Variants in ADAMTS9 observed in about 807,000 individuals in gnomAD.
ADAMTS9 encodes A disintegrin and metalloproteinase with thrombospondin motifs 9.
ADAMTS9 carries 107 observed loss-of-function variants against 257.1 expected under a neutral mutation model. The ratio of observed to expected loss-of-function variants is 0.42; its 90% CI spans 0.36 to 0.49. ADAMTS9 has a LOEUF of 0.49. Among genes scored for constraint, ADAMTS9 ranks in the 20% least tolerant of loss-of-function variants. The pLI is 0.03. For synonymous variants in ADAMTS9, 982 were observed against 880.9 expected (o/e 1.11, Z -2.03); for missense variants, 2,353 against 2,469.1 (o/e 0.95, Z 1.00).
chr3:64,539,926 C>T (rs931094836), intron 36 of ADAMTS9, among the ~76,000 whole-genome samples: 9 of 152,250 alleles, frequency 5.9e-5, no homozygotes, highest in Middle Eastern at 3.2e-3. Context: ...TACTGTAGCT[C>T]CTGAGATGAG....
intron 3 of ADAMTS9, among the ~76,000 whole-genome samples, chr3:64,671,371 G>A (rs773146967): frequency 7.2e-5 from 11 of 152,136 alleles, no homozygotes; most frequent in East Asian, 1.9e-4. Flanking sequence ...TGATTATCAC[G>A]ATGGTTCTAT....
chr3:64,555,994 G>A (rs1200409419), intron 30 of ADAMTS9, among the ~76,000 whole-genome samples: 4 of 152,182 alleles, frequency 2.6e-5, no homozygotes, highest in Non-Finnish European at 5.9e-5. Context: ...CTGGCTCTGT[G>A]CGCACATCAA....
At chr3:64,561,108 T>C (rs1167827830) in intron 30 of ADAMTS9, among the ~76,000 whole-genome samples, 2 of 151,450 alleles carry the variant, frequency 1.3e-5, no homozygotes, top group Non-Finnish European at 2.9e-5. Context: ...CACTAATTAA[T>C]CAAGGTTTCA....
chr3:64,649,625 T>C lies in ADAMTS9; in HGVS notation c.1605+12A>G, dbSNP rs1404685911. 5 of 1,610,288 alleles carry C rather than the reference T, an allele frequency of 3.1e-6. No homozygotes were observed. The South Asian group carries it at 5.5e-5, about 18-fold the overall frequency. On this transcript the variant is annotated intron_variant, in intron 10 of 39. Coordinates refer to ENST00000498707, the MANE Select transcript of ADAMTS9 (RefSeq NM_182920.2). Reference sequence around the variant, plus strand: ...CAGTAGATGAGGGCAGAAGTGGCCCTCCTACACTTACCATATATGGGCACA... The same window carrying C: ...CAGTAGATGAGGGCAGAAGTGGCCCCCCTACACTTACCATATATGGGCACA...
At chr3:64,518,881 G>A (rs966331284) in intron 39 of ADAMTS9, among the ~76,000 whole-genome samples, 5 of 146,154 alleles carry the variant, frequency 3.4e-5, no homozygotes, top group East Asian at 2.1e-4. Flanking sequence ...AGGTTAAAGC[G>A]ATTCTCCTGC....
At chr3:64,596,385 C>T (rs1356369422) in intron 27 of ADAMTS9, among the ~76,000 whole-genome samples, 1 of 152,168 alleles carries the variant, frequency 6.6e-6, no homozygotes, top group East Asian at 1.9e-4. Context: ...CATCATCTTT[C>T]ATAGGAATTA....
In ADAMTS9 at chr3:64,541,789, C is replaced by A. The variant is rs1036917; in HGVS notation, c.5197+49G>T. The A allele has an allele frequency of 0.13, 215,575 of 1,607,612 alleles. 18,112 individuals are homozygous for A. The highest frequency in any genetic ancestry group is 0.35 in the African/African-American group (26,467 of 74,744). ...GGGCAGGCAATCAAATGAACAAAGA[C>A]ATCCTGTTCTTCATGCTAAAGAAAG... On this transcript the variant is annotated intron_variant, in intron 33 of 39. Coordinates refer to ENST00000498707, the MANE Select transcript of ADAMTS9 (RefSeq NM_182920.2).
chr3:64,595,815 G>A lies in ADAMTS9; in HGVS notation c.4179+1015C>T, dbSNP rs543545460. Among the ~76,000 whole-genome samples, 143 of 152,150 alleles carry A rather than the reference G, an allele frequency of 9.4e-4. 1 individual carries two copies. The highest frequency in any genetic ancestry group is 3.4e-3 in the Middle Eastern group (1 of 294). Reference sequence around the variant, plus strand: ...TGTCTTTTTCCCCCCCTTGGCACTGGGACCTCCAAAGTGTTATTTCTCGTG... The same window carrying A: ...TGTCTTTTTCCCCCCCTTGGCACTGAGACCTCCAAAGTGTTATTTCTCGTG... On this transcript the variant is annotated intron_variant, in intron 27 of 39. Coordinates refer to ENST00000498707, the MANE Select transcript of ADAMTS9 (RefSeq NM_182920.2).
intron 19 of ADAMTS9, 31 bp downstream of exon 19, chr3:64,621,083 T>C: frequency 6.3e-7 from 1 of 1,587,756 alleles, no homozygotes; most frequent in Non-Finnish European, 8.6e-7. Context: ...CACAATTCAG[T>C]AATAAAGGCC....
intron 26 of ADAMTS9, among the ~76,000 whole-genome samples, chr3:64,599,194 G>T (rs1274170081): frequency 6.6e-6 from 1 of 152,158 alleles, no homozygotes; most frequent in East Asian, 1.9e-4. Context: ...CCCACAGACA[G>T]ATGAAGTATT....
rs371771475 is a variant in ADAMTS9 at position 64,591,265 on chromosome 3, C to A, written c.4356+2993G>T. ...AACCAGCCTGGCCAACATGGCGAAA[C>A]CCCGTCTCTACTAAAAATACAAAAA... On this transcript the variant is annotated intron_variant, in intron 28 of 39. Transcript: ENST00000498707. 3.9e-5 allele frequency among the ~76,000 whole-genome samples: 6 copies of A among 152,164 alleles called. No individual in the cohort carries two copies. In the East Asian group the frequency reaches 7.8e-4, roughly 20 times the overall value.
At chr3:64,551,470 A>G (rs1464526487) in intron 30 of ADAMTS9, among the ~76,000 whole-genome samples, 1 of 152,086 alleles carries the variant, frequency 6.6e-6, no homozygotes, top group African/African-American at 2.4e-5. Context: ...CGGCCTCCCA[A>G]AGTGCTGGGA....
chr3:64,583,470 G>C (rs2084055496), intron 28 of ADAMTS9: 1 of 152,178 alleles, frequency 6.6e-6, no homozygotes, highest in African/African-American at 2.4e-5. Flanking sequence ...TTTTGAATGA[G>C]GCTCCAAATG....
rs773873069 is a variant in ADAMTS9, at chr3:64,604,078, A to T, written c.3591T>A (p.Thr1197=). 5 of 1,613,912 alleles carry T rather than the reference A, an allele frequency of 3.1e-6. No homozygotes were observed. The South Asian group carries it at 5.5e-5, about 18-fold the overall frequency. ...RFGSWTPCSA[T]CGKGTRMRYV... is the part of the protein sequence containing the mutation. Reference sequence around the variant, plus strand: ...ATCTCATCCGGGTACCTTTCCCACAAGTGGCTGAGCACTGGGTGTTGGAGT... The same window carrying T: ...ATCTCATCCGGGTACCTTTCCCACATGTGGCTGAGCACTGGGTGTTGGAGT... The change falls in exon 25 of 40, where the codon ACT becomes ACA. Residue 1197 remains threonine, a synonymous_variant. Coordinates refer to ENST00000498707, the MANE Select transcript of ADAMTS9 (RefSeq NM_182920.2).
In ADAMTS9 at chr3:64,647,116, T is replaced by C. The variant is rs765228001; in HGVS notation, c.1710+824A>G. Among the ~76,000 whole-genome samples the C allele has an allele frequency of 2.6e-5, 4 of 152,072 alleles. No individual in the cohort carries two copies. In the East Asian group the frequency reaches 5.8e-4, roughly 22 times the overall value. ...AGGAGGGAAAAAAGGGAAAAATATA[T>C]ATAAGGATAACAAAACACTCAGAAA... On this transcript the variant is annotated intron_variant, in intron 11 of 39. Coordinates refer to ENST00000498707, the MANE Select transcript of ADAMTS9 (RefSeq NM_182920.2).
intron 16 of ADAMTS9, among the ~76,000 whole-genome samples, chr3:64,629,783 A>G (rs887146564): frequency 1.3e-5 from 2 of 152,216 alleles, no homozygotes; most frequent in African/African-American, 4.8e-5. Flanking sequence ...CACATATTAA[A>G]TAAGTGAGTG....
intron 30 of ADAMTS9, among the ~76,000 whole-genome samples, chr3:64,556,851 T>C (rs1369884656): frequency 6.6e-6 from 1 of 151,864 alleles, no homozygotes; most frequent in Non-Finnish European, 1.5e-5. Flanking sequence ...CTTCCACCCA[T>C]CCATTATTTT....
chr3:64,587,362 C>T (rs1252888579), intron 28 of ADAMTS9: 1 of 152,126 alleles, frequency 6.6e-6, no homozygotes, highest in Non-Finnish European at 1.5e-5. Context: ...GATTTCTTTG[C>T]TAGTTTGTTA....
Position 64,533,260 on chromosome 3 carries a change from C to T in ADAMTS9, c.5624G>A (p.Ser1875Asn). The change falls in exon 38 of 40, where the codon AGC (serine) becomes AAC (asparagine). Residue 1875 changes from serine (S) to asparagine (N), a missense_variant. By Grantham distance (46) the Ser-to-Asn change is conservative. Coordinates refer to ENST00000498707, the MANE Select transcript of ADAMTS9 (RefSeq NM_182920.2). ...SAAKCPQGRF[S>N]INLYGTGLSL... Reference sequence around the variant, plus strand: ...CAAGCCGGTTCCATAAAGGTTGATGCTAAAACGACCCTGGAAAACACGACC... The same window carrying T: ...CAAGCCGGTTCCATAAAGGTTGATGTTAAAACGACCCTGGAAAACACGACC... 5.6e-6 allele frequency: 9 copies of T among 1,596,274 alleles called. No homozygotes were observed. Among genetic ancestry groups the T allele is most frequent in the Non-Finnish European group, 6.9e-6 (8 of 1,166,678 alleles).
Sources: allele counts gnomAD v4.1 joint callset (sites outside exome capture counted in the v4.1 genomes callset), GRCh38; gene constraint gnomAD v4.1.1; transcripts MANE v1.5; gene names NCBI Gene and HGNC (gene_info 2026-07-23, HGNC 2026-07-21).